The following CFAP47 variants were observed in gnomAD, a reference collection of about 807,000 sequenced individuals.
The protein encoded by CFAP47 is cilia and flagella associated protein 47.
A neutral mutation model predicts 148.1 loss-of-function variants in CFAP47; 29 were observed. That is an observed-to-expected ratio of 0.20 (90% CI 0.15 to 0.27). The LOEUF (loss-of-function observed/expected upper bound fraction) is 0.27, where lower values mean the gene tolerates loss of function less well. CFAP47 is among the 10% of genes least tolerant of loss of function. The probability of loss-of-function intolerance (pLI) is 1.00; values close to 1 mark genes in which losing one functional copy is unlikely to be tolerated. For missense variants in CFAP47, 1,872 were observed against 1,697.5 expected, an observed-to-expected ratio of 1.10 and a Z score of -1.81; for synonymous variants, 664 against 577.3, an observed-to-expected ratio of 1.15 and a Z score of -2.15.
In CFAP47 at chrX:35,961,381, C is replaced by T. The variant is rs374612615; in HGVS notation, c.1411-5184C>T. Among the ~76,000 whole-genome samples the T allele has an allele frequency of 3.6e-5, 4 of 111,572 alleles. No homozygotes were observed. In the East Asian group the frequency reaches 1.1e-3, roughly 31 times the overall value. On this transcript the variant is annotated intron_variant, in intron 8 of 63. Transcript: ENST00000378653. ...TCTTCTTTTAAATTTTTTGTAAATG[C>T]TTGTGAAGGATTGGCACTAATTCTT...
chrX:36,082,379 C>A (rs745406734), intron 29 of CFAP47, among the ~76,000 whole-genome samples: 17 of 111,151 alleles, frequency 1.5e-4, no homozygotes, highest in Non-Finnish European at 2.6e-4. Context: ...ATAGAAGTAG[C>A]CCTGGAAATA....
intron 63 of CFAP47, among the ~76,000 whole-genome samples, chrX:36,380,242 A>G (rs1054099188): frequency 1.1e-4 from 12 of 112,734 alleles, no homozygotes; most frequent in African/African-American, 3.5e-4. Context: ...AGCGATTTCT[A>G]GATTTCTCAG....
rs755135357 is a variant in CFAP47, at chrX:35,948,300, C to T, written c.518-14C>T. 1.4e-4 allele frequency: 167 copies of T among 1,190,099 alleles called. No individual in the cohort carries two copies. In the Admixed American group the frequency reaches 3.5e-3, roughly 25 times the overall value. ...AGGGTCCAGATGTAAATCAACTGCTCTTATTCCCTATAGGCATATTTAAGG... is the reference window on the plus strand; with the variant it reads ...AGGGTCCAGATGTAAATCAACTGCTTTTATTCCCTATAGGCATATTTAAGG... On this transcript the variant is annotated splice_polypyrimidine_tract_variant and intron_variant, in intron 3 of 63. Transcript: ENST00000378653.
intron 33 of CFAP47, among the ~76,000 whole-genome samples, chrX:36,135,729 A>T (rs1189229671): frequency 8.9e-6 from 1 of 111,887 alleles, no homozygotes; most frequent in Non-Finnish European, 1.9e-5. Flanking sequence ...TGGAAATGTG[A>T]TGGCAGGTAC....
chrX:35,984,825 T>G (rs150181400), intron 15 of CFAP47, among the ~76,000 whole-genome samples: 1 of 111,833 alleles, frequency 8.9e-6, no homozygotes, highest in African/African-American at 3.2e-5. Context: ...TGTTTGATTT[T>G]GTTTTAATTT....
At chrX:36,113,575 C>T (rs1026986682) in intron 33 of CFAP47, among the ~76,000 whole-genome samples, 1 of 110,951 alleles carries the variant, frequency 9.0e-6, no homozygotes. Flanking sequence ...TTGTGGATTA[C>T]CTTCTTGTGA....
intron 27 of CFAP47, among the ~76,000 whole-genome samples, chrX:36,066,290 G>C (rs1937639025): frequency 9.0e-6 from 1 of 110,801 alleles, no homozygotes; most frequent in Admixed American, 9.6e-5. Flanking sequence ...TCCCATCTGT[G>C]TAGATCGTCA....
chrX:36,250,176 A>G (rs1940673984), intron 48 of CFAP47, among the ~76,000 whole-genome samples: 1 of 111,673 alleles, frequency 9.0e-6, no homozygotes, highest in African/African-American at 3.2e-5. Flanking sequence ...GTGTCCATCA[A>G]CAAATGAATG....
chrX:36,273,154 T>G (rs1255731216), intron 49 of CFAP47, among the ~76,000 whole-genome samples: 1 of 111,564 alleles, frequency 9.0e-6, no homozygotes, highest in East Asian at 2.8e-4. Context: ...TTTTAAAAAT[T>G]ATTTTCAAAG....
rs187958865 is a variant in CFAP47, at chrX:36,328,537, G to A, written c.8443+9230G>A. 1.5e-3 allele frequency among the ~76,000 whole-genome samples: 170 copies of A among 111,644 alleles called. No homozygotes were observed. The East Asian group carries it at 0.042, about 28-fold the overall frequency. On this transcript the variant is annotated intron_variant, in intron 57 of 63. Transcript: ENST00000378653. ...AAAGAAAAGCAAATTGGGGCCGGGC[G>A]CGGTGGCTCACGCCTGTAATCCCAG...
intron 49 of CFAP47, among the ~76,000 whole-genome samples, chrX:36,275,112 G>A (rs1308899981): frequency 1.8e-5 from 2 of 109,812 alleles, no homozygotes; most frequent in African/African-American, 6.7e-5. Context: ...TTTTGAGACA[G>A]GGTCTCACTC....
intron 24 of CFAP47, among the ~76,000 whole-genome samples, chrX:36,038,158 T>A (rs1238448511): frequency 8.9e-6 from 1 of 111,978 alleles, no homozygotes; most frequent in Non-Finnish European, 1.9e-5. Context: ...TAAGTGCCAC[T>A]TTTGAACATG....
intron 62 of CFAP47, among the ~76,000 whole-genome samples, chrX:36,373,305 G>T (rs952665500): frequency 9.0e-5 from 10 of 110,859 alleles, no homozygotes; most frequent in Middle Eastern, 9.3e-3. Context: ...ATATAAATTG[G>T]ATTACTTTCT....
intron 57 of CFAP47, among the ~76,000 whole-genome samples, chrX:36,331,782 C>G (rs782255571): frequency 7.5e-4 from 84 of 111,896 alleles, no homozygotes; most frequent in African/African-American, 2.6e-3. Context: ...CTACGCCAAC[C>G]TAAGCTGCTG....
chrX:36,068,014 A>G (rs975032227), intron 27 of CFAP47, among the ~76,000 whole-genome samples: 1 of 111,806 alleles, frequency 8.9e-6, no homozygotes, highest in African/African-American at 3.3e-5. Flanking sequence ...ATCTTTCCAT[A>G]GAATATCATT....
At chrX:36,373,129 A>G (rs1234672276) in intron 62 of CFAP47, among the ~76,000 whole-genome samples, 1 of 111,286 alleles carries the variant, frequency 9.0e-6, no homozygotes, top group African/African-American at 3.3e-5. Context: ...CACATTGGGT[A>G]GTATGGACAT....
At chrX:36,384,028 G>C (rs904795149) in intron 63 of CFAP47, among the ~76,000 whole-genome samples, 3 of 111,832 alleles carry the variant, frequency 2.7e-5, no homozygotes, top group Non-Finnish European at 3.8e-5. Context: ...TACATCATTT[G>C]TGGTATATTA....
intron 23 of CFAP47, among the ~76,000 whole-genome samples, chrX:36,032,534 A>G (rs763158368): frequency 1.2e-4 from 13 of 111,266 alleles, no homozygotes; most frequent in African/African-American, 3.9e-4. Flanking sequence ...AGAGATATAT[A>G]TATTTTGCTT....
At chrX:36,156,143 C>G (rs1010923809) in intron 37 of CFAP47, among the ~76,000 whole-genome samples, 58 of 110,809 alleles carry the variant, frequency 5.2e-4, no homozygotes, top group Non-Finnish European at 1.7e-4. Context: ...TTAGGTGGCT[C>G]TCTTTAGTTA....
Sources: allele counts gnomAD v4.1 joint callset (sites outside exome capture counted in the v4.1 genomes callset), GRCh38; gene constraint gnomAD v4.1.1; transcripts MANE v1.5; gene names NCBI Gene and HGNC (gene_info 2026-07-23, HGNC 2026-07-21).